Variants in NT5C3B observed in about 807,000 individuals in gnomAD.
The protein encoded by NT5C3B is 5'-nucleotidase, cytosolic IIIB.
A neutral mutation model predicts 32.5 loss-of-function variants in NT5C3B; 28 were observed. The ratio of observed to expected loss-of-function variants is 0.86; its 90% CI spans 0.64 to 1.18. NT5C3B has a LOEUF of 1.18. Among genes scored for constraint, NT5C3B ranks in the 50% most tolerant of loss-of-function variants. NT5C3B has a pLI of 0.00. For missense variants in NT5C3B, 317 were observed against 322.0 expected (o/e 0.98, Z 0.12); for synonymous variants, 138 against 118.0 (o/e 1.17, Z -1.10).
chr17:41,835,570 T>C, intron 2 of NT5C3B: 2 of 692,900 alleles, frequency 2.9e-6, no homozygotes, highest in East Asian at 2.7e-5. Flanking sequence ...ACGGCCCATC[T>C]GGACATCTTC....
At chr17:41,828,997 C>A (rs1555618664) in intron 6 of NT5C3B, 45 bp from the exon 7 acceptor site, 2 of 1,550,236 alleles carry the variant, frequency 1.3e-6, no homozygotes, top group Non-Finnish European at 8.8e-7. Flanking sequence ...GCCTCTACTG[C>A]TGTTCTTTGT....
At chr17:41,836,070 G>C in intron 1 of NT5C3B, 112 bp downstream of exon 1, 1 of 1,389,792 alleles carries the variant, frequency 7.2e-7, no homozygotes, top group Non-Finnish European at 9.3e-7. Context: ...CGAGGGGGCG[G>C]CTACTGGCCT....
At chr17:41,830,561 A>G (rs1159422288) in intron 6 of NT5C3B, among the ~76,000 whole-genome samples, 1 of 152,166 alleles carries the variant, frequency 6.6e-6, no homozygotes, top group Non-Finnish European at 1.5e-5. Flanking sequence ...AAGAAGAGCT[A>G]GACTTGGTTT....
rs1439803051 is a variant in NT5C3B at position 41,835,860 on chromosome 17, T to C, written c.110A>G (p.Gln37Arg). Reference sequence around the variant, plus strand: ...GGCCCCCGCACGCCCCAGAGGTACCTGTAACCGGTCTCCGCCGCCCTTGCG... The same window carrying C: ...GGCCCCCGCACGCCCCAGAGGTACCCGTAACCGGTCTCCGCCGCCCTTGCG... ...ALRKGGGDRL[Q>R]VISDFDMTLS... The change falls in exon 2 of 9, where the codon CAG becomes CGG. Residue 37 changes from glutamine (Q) to arginine (R), a missense_variant and splice_region_variant. Transcript: ENST00000435506. 3 of 1,607,306 alleles carry C rather than the reference T, an allele frequency of 1.9e-6. No individual in the cohort carries two copies. The highest frequency in any genetic ancestry group is 2.5e-6 in the Non-Finnish European group (3 of 1,177,994).
In NT5C3B at chr17:41,830,688, C is replaced by T. The variant is rs957630447; in HGVS notation, c.404+113G>A. ...ACATCAGTTGTTCATAGTGCCATGT[C>T]CCTTCCGGTCCTTTAAGCAACTAAC... On this transcript the variant is annotated intron_variant, in intron 6 of 8. Coordinates refer to ENST00000435506, the MANE Select transcript of NT5C3B (RefSeq NM_052935.5). 3.2e-5 allele frequency: 24 copies of T among 745,712 alleles called. No individual in the cohort carries two copies. In the African/African-American group the frequency reaches 3.3e-4, roughly 10 times the overall value. 46.2% of individuals were successfully genotyped at this position (745,712 alleles called of 1,614,324 possible). A position where few individuals can be genotyped will look rare whatever the true frequency, so the allele number is the denominator to read the frequency against.
At chr17:41,834,829 C>T (rs2048117011) in intron 4 of NT5C3B, among the ~76,000 whole-genome samples, 1 of 152,186 alleles carries the variant, frequency 6.6e-6, no homozygotes, top group Admixed American at 6.5e-5. Flanking sequence ...GTTCAAATCT[C>T]TTGTAAACTC....
chr17:41,826,097 A>T (rs1348474680), intron 8 of NT5C3B, among the ~76,000 whole-genome samples: 1 of 151,566 alleles, frequency 6.6e-6, no homozygotes, highest in Non-Finnish European at 1.5e-5. Flanking sequence ...TTAAGGCTAC[A>T]GTGAGCCAAG....
intron 8 of NT5C3B, among the ~76,000 whole-genome samples, chr17:41,827,107 C>T (rs1016969227): frequency 6.6e-6 from 1 of 151,514 alleles, no homozygotes; most frequent in Admixed American, 6.6e-5. Flanking sequence ...GAGATTGAGA[C>T]CATCCTGGCT....
intron 2 of NT5C3B, chr17:41,835,551 T>G (rs1555619785): frequency 1.4e-6 from 1 of 691,686 alleles, no homozygotes; most frequent in Admixed American, 2.0e-5. Flanking sequence ...CTAAGAGATC[T>G]CTACCATTAC....
chr17:41,827,538 A>G lies in NT5C3B; in HGVS notation c.656T>C (p.Leu219Pro). Reference protein sequence around the residue: ...ACENSGYFQQLEGKTNVILLG... With the variant: ...ACENSGYFQQPEGKTNVILLG... ...CAGGATGACATTGGTTTTGCCCTCA[A>G]GTTGCTGGAAGTAACCAGAGTTCTC... The change falls in exon 8 of 9, where the codon CTT becomes CCT. Residue 219 changes from leucine (L) to proline (P), a missense_variant. Leu to Pro is a moderately conservative substitution (Grantham distance 98). Coordinates refer to ENST00000435506, the MANE Select transcript of NT5C3B (RefSeq NM_052935.5). The G allele has an allele frequency of 1.1e-6, 1 of 872,756 alleles. No homozygotes were observed. Among genetic ancestry groups the G allele is most frequent in the Non-Finnish European group, 2.0e-6 (1 of 501,494 alleles). 54.1% of individuals were successfully genotyped at this position (872,756 alleles called of 1,614,324 possible).
At chr17:41,826,157 A>T (rs1555618117) in intron 8 of NT5C3B, among the ~76,000 whole-genome samples, 1 of 149,076 alleles carries the variant, frequency 6.7e-6, no homozygotes, top group Admixed American at 6.7e-5. Context: ...CCCTGTCTCA[A>T]AAAAAAAAAA....
intron 7 of NT5C3B, 36 bp downstream of exon 7, chr17:41,828,754 C>G: frequency 1.3e-6 from 2 of 1,594,626 alleles, no homozygotes; most frequent in Non-Finnish European, 1.7e-6. Flanking sequence ...GTCCCCACCC[C>G]TCGTCCTTTC....
At chr17:41,827,268 C>T (rs1231538221) in intron 8 of NT5C3B, among the ~76,000 whole-genome samples, 158 bp downstream of exon 8, 1 of 151,406 alleles carries the variant, frequency 6.6e-6, no homozygotes, top group East Asian at 1.9e-4. Context: ...CACTGCACTC[C>T]AGCCTGGGCG....
intron 4 of NT5C3B, among the ~76,000 whole-genome samples, chr17:41,834,423 C>CACA (rs2048108836): frequency 6.8e-6 from 1 of 146,954 alleles, no homozygotes; most frequent in Non-Finnish European, 1.5e-5. Flanking sequence ...CACACACACA[C>CACA]ACTAGAACCC....
chr17:41,833,213 GTTT>G (rs1482195616), intron 4 of NT5C3B, among the ~76,000 whole-genome samples: 3 of 152,138 alleles, frequency 2.0e-5, no homozygotes, highest in African/African-American at 7.2e-5. Flanking sequence ...TTAATGCTGT[GTTT>G]CCCAGAATGT....
chr17:41,836,115 G>A, intron 1 of NT5C3B, 67 bp downstream of exon 1: 1 of 1,332,120 alleles, frequency 7.5e-7, no homozygotes, highest in Non-Finnish European at 9.6e-7. Flanking sequence ...ACCAGCTGGG[G>A]GGCTCGAAGC....
intron 8 of NT5C3B, among the ~76,000 whole-genome samples, chr17:41,826,168 A>C (rs1436295445): frequency 4.2e-5 from 6 of 144,164 alleles, no homozygotes; most frequent in African/African-American, 1.1e-4. Flanking sequence ...AAAAAAAAAA[A>C]AAAAAAAAAA....
chr17:41,826,782 C>T (rs1597915762), intron 8 of NT5C3B, among the ~76,000 whole-genome samples: 1 of 152,032 alleles, frequency 6.6e-6, no homozygotes, highest in South Asian at 2.1e-4. Context: ...AGGCAGATCA[C>T]CTGAGGTCGG....
In NT5C3B at chr17:41,830,886, T is replaced by A. The variant is rs1449064688; in HGVS notation, c.319A>T (p.Thr107Ser). 9 of 1,600,702 alleles carry A rather than the reference T, an allele frequency of 5.6e-6. No homozygotes were observed. Among genetic ancestry groups the A allele is most frequent in the South Asian group, 1.1e-5 (1 of 90,324 alleles). Residue 107 changes from threonine to serine, a missense_variant, in exon 6 of 9, where the codon ACC becomes TCC. Coordinates refer to ENST00000435506, the MANE Select transcript of NT5C3B (RefSeq NM_052935.5). Reference sequence around the variant, plus strand: ...TGACATAGGAGATTGTGTGCTTTGGTCCACCTAGAAACAGACACCCCAGAA... The same window carrying A: ...TGACATAGGAGATTGTGTGCTTTGGACCACCTAGAAACAGACACCCCAGAA... ...EKLPHMVEWWTKAHNLLCQQK... is the reference protein window; with the variant it reads ...EKLPHMVEWWSKAHNLLCQQK...
Sources: gnomAD v4.1 joint callset for allele counts (sites outside exome capture counted in the v4.1 genomes callset) on GRCh38, gnomAD v4.1.1 for gene constraint, MANE v1.5 for transcripts, NCBI Gene and HGNC (gene_info 2026-07-23, HGNC 2026-07-21) for gene names.